The following MYT1L variants were observed in gnomAD, a reference collection of about 807,000 sequenced individuals.
The protein encoded by MYT1L is myelin transcription factor 1-like protein.
A neutral mutation model predicts 126.7 loss-of-function variants in MYT1L; 12 were observed. The observed-to-expected ratio is 0.09, with a 90% CI of 0.06 to 0.15. The LOEUF (loss-of-function observed/expected upper bound fraction) is 0.15, where lower values mean the gene tolerates loss of function less well. MYT1L is among the 10% of genes least tolerant of loss of function. The probability of loss-of-function intolerance (pLI) is 1.00; values close to 1 mark genes in which losing one functional copy is unlikely to be tolerated. For missense variants in MYT1L, 979 were observed against 1,585.2 expected, an observed-to-expected ratio of 0.62 and a Z score of 6.49; for synonymous variants, 541 against 604.2, an observed-to-expected ratio of 0.90 and a Z score of 1.53.
chr2:2,157,002 C>T (rs753732652), intron 3 of MYT1L, among the ~76,000 whole-genome samples: 9 of 152,156 alleles, frequency 5.9e-5, no homozygotes, highest in African/African-American at 2.2e-4. Context: ...CATTCAAGCC[C>T]GTTTAGGCAC....
At chr2:2,140,432 C>CTTTTTTTTTTTTTTTTTTTTTTTTTTT (rs35297300) in intron 3 of MYT1L, among the ~76,000 whole-genome samples, 2 of 112,970 alleles carry the variant, frequency 1.8e-5, no homozygotes, top group Non-Finnish European at 3.6e-5. Context: ...CTTTCTTTTT[C>CTTTTTTTTTTTTTTTTTTTTTTTTTTT]TTTTTTTTTT....
intron 2 of MYT1L, among the ~76,000 whole-genome samples, chr2:2,247,887 C>T (rs545129493): frequency 1.3e-5 from 2 of 152,006 alleles, no homozygotes; most frequent in South Asian, 2.1e-4. Flanking sequence ...ACAGTGAAAG[C>T]AGTACTAAGA....
intron 3 of MYT1L, among the ~76,000 whole-genome samples, chr2:2,100,493 G>A (rs1487866446): frequency 2.0e-5 from 3 of 152,134 alleles, no homozygotes; most frequent in South Asian, 2.1e-4. Context: ...GGTAGGAGGA[G>A]GCGATACCCT....
intron 2 of MYT1L, among the ~76,000 whole-genome samples, chr2:2,246,118 C>T (rs1373996126): frequency 6.6e-6 from 1 of 152,196 alleles, no homozygotes; most frequent in Non-Finnish European, 1.5e-5. Flanking sequence ...TCGCTGACTG[C>T]CCTAGTTCAG....
At chr2:2,053,328 C>G (rs2069074391) in intron 4 of MYT1L, among the ~76,000 whole-genome samples, 1 of 152,150 alleles carries the variant, frequency 6.6e-6, no homozygotes, top group African/African-American at 2.4e-5. Flanking sequence ...CTGAAGACGG[C>G]AGGTGGTGAC....
At chr2:2,306,807 T>C (rs2095865094) in intron 1 of MYT1L, among the ~76,000 whole-genome samples, 1 of 152,204 alleles carries the variant, frequency 6.6e-6, no homozygotes, top group African/African-American at 2.4e-5. Context: ...GTCCAACATT[T>C]CTGATAGGAA....
In MYT1L at chr2:2,214,410, A is replaced by G. The variant is rs536634251; in HGVS notation, c.-420-41422T>C. Among the ~76,000 whole-genome samples the G allele has an allele frequency of 1.8e-4, 28 of 152,232 alleles. No homozygotes were observed. In the South Asian group the frequency reaches 5.4e-3, roughly 29 times the overall value. On this transcript the variant is annotated intron_variant, in intron 2 of 24. Coordinates refer to ENST00000647738, the MANE Select transcript of MYT1L (RefSeq NM_001303052.2). ...AACACAAGAACACATAGAAAATTAC[A>G]TACAGCTCAAAATAATCAAATTTCT...
chr2:2,177,894 A>G (rs999915100), intron 2 of MYT1L, among the ~76,000 whole-genome samples: 2 of 152,182 alleles, frequency 1.3e-5, no homozygotes, highest in African/African-American at 4.8e-5. Flanking sequence ...TTATATTTAC[A>G]TGTGCATGTG....
intron 2 of MYT1L, among the ~76,000 whole-genome samples, chr2:2,265,735 T>C (rs964231032): frequency 5.9e-5 from 9 of 152,330 alleles, no homozygotes; most frequent in Non-Finnish European, 1.2e-4. Context: ...TTGGTAAGCA[T>C]GAAGTTCAAT....
At chr2:2,114,639 G>A (rs1575260591) in intron 3 of MYT1L, among the ~76,000 whole-genome samples, 1 of 152,204 alleles carries the variant, frequency 6.6e-6, no homozygotes, top group Non-Finnish European at 1.5e-5. Flanking sequence ...AGTTTACTGT[G>A]ATATACCCAT....
intron 3 of MYT1L, among the ~76,000 whole-genome samples, chr2:2,102,207 C>A (rs965766519): frequency 1.6e-4 from 24 of 152,194 alleles, no homozygotes; most frequent in Middle Eastern, 6.8e-3. Flanking sequence ...TATGTTTTGG[C>A]AAGATACTGG....
intron 13 of MYT1L, among the ~76,000 whole-genome samples, chr2:1,904,089 C>T (rs73186651): frequency 0.064 from 9,764 of 152,258 alleles, 933 homozygotes; most frequent in African/African-American, 0.21. Context: ...CAAATTCCAC[C>T]AATGTGACCA....
intron 2 of MYT1L, among the ~76,000 whole-genome samples, chr2:2,193,450 G>A (rs1360709078): frequency 3.3e-5 from 5 of 152,146 alleles, no homozygotes; most frequent in Admixed American, 6.5e-5. Flanking sequence ...GTCCTCCTGC[G>A]GCTGCACACG....
At chr2:2,208,084 C>A (rs1262807194) in intron 2 of MYT1L, among the ~76,000 whole-genome samples, 1 of 152,114 alleles carries the variant, frequency 6.6e-6, no homozygotes, top group Non-Finnish European at 1.5e-5. Context: ...CTCAGGTGCA[C>A]TAACCTGAGG....
intron 18 of MYT1L, among the ~76,000 whole-genome samples, chr2:1,878,570 T>C (rs961660880): frequency 6.6e-6 from 1 of 152,170 alleles, no homozygotes; most frequent in Non-Finnish European, 1.5e-5. Context: ...TTGGTGTATG[T>C]GGGCATTTAA....
At chr2:2,323,481 G>A (rs1213825161) in intron 1 of MYT1L, among the ~76,000 whole-genome samples, 3 of 152,108 alleles carry the variant, frequency 2.0e-5, no homozygotes, top group African/African-American at 4.8e-5. Context: ...GCCTTTTCGG[G>A]AGAATAGGAA....
chr2:2,087,667 C>T (rs917317298), intron 3 of MYT1L, among the ~76,000 whole-genome samples: 4 of 152,168 alleles, frequency 2.6e-5, no homozygotes, highest in African/African-American at 4.8e-5. Flanking sequence ...TTTTAACAAC[C>T]GCCATGTGCC....
intron 18 of MYT1L, among the ~76,000 whole-genome samples, chr2:1,861,642 C>T (rs890083212): frequency 2.7e-5 from 4 of 148,942 alleles, no homozygotes; most frequent in African/African-American, 7.5e-5. Context: ...CTGTGTAATC[C>T]TGGATCTTCC....
At position 2,308,885 on chromosome 2, in the gene MYT1L, T is replaced by C. The variant is rs558723004; in HGVS notation, c.-521+22082A>G. On this transcript the variant is annotated intron_variant, in intron 1 of 24. Coordinates refer to ENST00000647738, the MANE Select transcript of MYT1L (RefSeq NM_001303052.2). ...CACCTACACTTCAGCATATTCTATC[T>C]ATACTCTCCCTGTGCTTCAGGATAC... is the stretch of plus-strand genomic sequence containing the variant. 4.6e-5 allele frequency among the ~76,000 whole-genome samples: 7 copies of C among 151,768 alleles called. No homozygotes were observed. The East Asian group carries it at 1.4e-3, about 30-fold the overall frequency.
Sources: gnomAD v4.1 joint callset for allele counts (sites outside exome capture counted in the v4.1 genomes callset) on GRCh38, gnomAD v4.1.1 for gene constraint, MANE v1.5 for transcripts, NCBI Gene and HGNC (gene_info 2026-07-23, HGNC 2026-07-21) for gene names.